Variants in SDCCAG8 observed in about 807,000 individuals in gnomAD.
SDCCAG8 encodes the protein SHH signaling and ciliogenesis regulator SDCCAG8.
SDCCAG8 carries 74 observed loss-of-function variants against 101.8 expected under a neutral mutation model. The ratio of observed to expected loss-of-function variants is 0.73; its 90% CI spans 0.60 to 0.88. SDCCAG8 has a LOEUF of 0.88. Among genes scored for constraint, SDCCAG8 ranks in the 40% least tolerant of loss-of-function variants. SDCCAG8 has a pLI of 0.00. For missense variants in SDCCAG8, 787 were observed against 822.6 expected (o/e 0.96, Z 0.53); for synonymous variants, 281 against 292.9 (o/e 0.96, Z 0.41).
intron 4 of SDCCAG8, among the ~76,000 whole-genome samples, chr1:243,276,398 A>C (rs2068576974): frequency 6.6e-6 from 1 of 152,222 alleles, no homozygotes; most frequent in South Asian, 2.1e-4. Flanking sequence ...TGTAAATTTG[A>C]TACATTTTAG....
intron 12 of SDCCAG8, among the ~76,000 whole-genome samples, chr1:243,350,180 G>T (rs1180745212): frequency 6.6e-6 from 1 of 152,026 alleles, no homozygotes; most frequent in African/African-American, 2.4e-5. Flanking sequence ...AAGAAGGCCT[G>T]CCTGCAAGCC....
intron 17 of SDCCAG8, among the ~76,000 whole-genome samples, chr1:243,494,636 T>A (rs1667361088): frequency 6.6e-6 from 1 of 152,260 alleles, no homozygotes; most frequent in African/African-American, 2.4e-5. Context: ...TGCTCTTCCG[T>A]TAACAGTTCA....
chr1:243,480,890 T>G (rs1390792271), intron 16 of SDCCAG8, among the ~76,000 whole-genome samples: 2 of 12,944 alleles, frequency 1.5e-4, no homozygotes, highest in East Asian at 1.9e-3. Context: ...GATGGATGGA[T>G]GGGTGGGTGG....
rs116667607 is a variant in SDCCAG8, at chr1:243,406,024, A to G, written c.1617-9678A>G. On this transcript the variant is annotated intron_variant, in intron 13 of 17. Coordinates refer to ENST00000366541, the MANE Select transcript of SDCCAG8 (RefSeq NM_006642.5). The stretch of plus-strand genomic sequence containing the variant: ...TGTTATAGAAACGCCACTAGAATGC[A>G]TATTGATCCTACTGATACCTGATTT... Among the ~76,000 whole-genome samples the G allele has an allele frequency of 2.5e-3, 383 of 152,330 alleles. 1 individual carries two copies. The highest frequency in any genetic ancestry group is 0.024 in the Middle Eastern group (7 of 294).
intron 16 of SDCCAG8, among the ~76,000 whole-genome samples, chr1:243,470,804 C>T (rs909076750): frequency 6.6e-6 from 1 of 152,122 alleles, no homozygotes; most frequent in Non-Finnish European, 1.5e-5. Flanking sequence ...CCAGAGAGAG[C>T]GAGCTTTGAA....
chr1:243,438,058 A>G (rs767696210), intron 16 of SDCCAG8, among the ~76,000 whole-genome samples: 4 of 152,162 alleles, frequency 2.6e-5, no homozygotes, highest in Non-Finnish European at 5.9e-5. Flanking sequence ...CGTTTGCTTC[A>G]TATGAAAAAA....
chr1:243,299,256 A>C (rs2071257133), intron 6 of SDCCAG8, among the ~76,000 whole-genome samples: 2 of 152,172 alleles, frequency 1.3e-5, no homozygotes, highest in Non-Finnish European at 1.5e-5. Flanking sequence ...ATTTTGATTC[A>C]ATGTCACTTT....
chr1:243,330,626 A>G lies in SDCCAG8; in HGVS notation c.1155A>G (p.Lys385=). ...AAGAACTTGCATCTCAGCAAGAGAA[A>G]AGGGCCATTGAGAAAGACATGATGA... ...LEKELASQQE[K]RAIEKDMMKK... Residue 385 remains lysine, a synonymous_variant, in exon 10 of 18, where the codon AAA becomes AAG. Transcript: ENST00000366541. 1.2e-6 allele frequency: 2 copies of G among 1,614,156 alleles called. No homozygotes were observed. Among genetic ancestry groups the G allele is most frequent in the Non-Finnish European group, 8.5e-7 (1 of 1,180,008 alleles).
chr1:243,459,008 T>C (rs1457368685), intron 16 of SDCCAG8, among the ~76,000 whole-genome samples: 1 of 152,232 alleles, frequency 6.6e-6, no homozygotes, highest in African/African-American at 2.4e-5. Context: ...AATGTGTTTA[T>C]GTTACCTTAA....
chr1:243,332,655 G>T (rs577569465), intron 10 of SDCCAG8, among the ~76,000 whole-genome samples: 1 of 148,448 alleles, frequency 6.7e-6, no homozygotes, highest in Non-Finnish European at 1.5e-5. Flanking sequence ...TGATTATCGC[G>T]GTCCCGGTCT....
chr1:243,455,404 G>A (rs891188739), intron 16 of SDCCAG8, among the ~76,000 whole-genome samples: 5 of 152,104 alleles, frequency 3.3e-5, no homozygotes, highest in Admixed American at 2.6e-4. Flanking sequence ...CAAGTAGCTG[G>A]GATTACAGGT....
At chr1:243,372,890 T>C (rs2077371659) in intron 12 of SDCCAG8, among the ~76,000 whole-genome samples, 1 of 141,642 alleles carries the variant, frequency 7.1e-6, no homozygotes, top group African/African-American at 2.6e-5. Flanking sequence ...CCCAGCTACT[T>C]GGGAACCATA....
intron 15 of SDCCAG8, among the ~76,000 whole-genome samples, chr1:243,419,840 A>G (rs1468445987): frequency 6.6e-6 from 1 of 152,222 alleles, no homozygotes; most frequent in Admixed American, 6.5e-5. Context: ...CGTCCTTGGC[A>G]TGTAACGGTT....
intron 15 of SDCCAG8, among the ~76,000 whole-genome samples, chr1:243,421,317 A>T (rs2080983479): frequency 6.6e-6 from 1 of 152,240 alleles, no homozygotes. Context: ...CATTTGACTG[A>T]AGCCCATGCA....
At chr1:243,277,564 C>G (rs1365343526) in intron 4 of SDCCAG8, among the ~76,000 whole-genome samples, 1 of 152,138 alleles carries the variant, frequency 6.6e-6, no homozygotes, top group African/African-American at 2.4e-5. Flanking sequence ...TCAGATATGT[C>G]TTTTTCAAGT....
At chr1:243,304,621 AG>A in intron 6 of SDCCAG8, 91 bp from the exon 7 acceptor site, 2 of 708,130 alleles carry the variant, frequency 2.8e-6, no homozygotes, top group Non-Finnish European at 2.4e-6. Flanking sequence ...TTGGGTAAAA[AG>A]AAAAAAATTG....
chr1:243,280,092 A>G (rs1005793118), intron 4 of SDCCAG8, among the ~76,000 whole-genome samples: 1 of 152,158 alleles, frequency 6.6e-6, no homozygotes, highest in Non-Finnish European at 1.5e-5. Flanking sequence ...ATATAGGTTT[A>G]TTCAGATTAT....
In SDCCAG8 at chr1:243,285,175, G is replaced by A. The variant is rs568531108; in HGVS notation, c.421-1097G>A. ...ATTACAGGCGTGAGCCACCGCGCCC[G>A]GTCTGGAATTTTTAACTCTCAAACT... On this transcript the variant is annotated intron_variant, in intron 4 of 17. Coordinates refer to ENST00000366541, the MANE Select transcript of SDCCAG8 (RefSeq NM_006642.5). Among the ~76,000 whole-genome samples, 4 of 152,278 alleles carry A rather than the reference G, an allele frequency of 2.6e-5. No homozygotes were observed. The East Asian group carries it at 7.7e-4, about 29-fold the overall frequency.
chr1:243,349,439 C>T (rs780471749), intron 12 of SDCCAG8, among the ~76,000 whole-genome samples: 1 of 152,142 alleles, frequency 6.6e-6, no homozygotes, highest in African/African-American at 2.4e-5. Flanking sequence ...GCCCACAAAG[C>T]CTAAAATATT....
Sources: gnomAD v4.1 joint callset for allele counts (sites outside exome capture counted in the v4.1 genomes callset) on GRCh38, gnomAD v4.1.1 for gene constraint, MANE v1.5 for transcripts, NCBI Gene and HGNC (gene_info 2026-07-23, HGNC 2026-07-21) for gene names.